Variants in SYK observed in about 807,000 individuals in gnomAD.
SYK encodes spleen associated tyrosine kinase.
A neutral mutation model predicts 77.8 loss-of-function variants in SYK; 16 were observed. The observed-to-expected ratio is 0.21, with a 90% CI of 0.14 to 0.31. SYK has a LOEUF of 0.31. SYK is among the 10% of genes least tolerant of loss of function. The probability of loss-of-function intolerance (pLI) is 1.00; values close to 1 mark genes in which losing one functional copy is unlikely to be tolerated. For synonymous variants in SYK, 312 were observed against 308.7 expected (o/e 1.01, Z -0.11); for missense variants, 529 against 814.4 (o/e 0.65, Z 4.26).
rs774905650 is a variant in SYK at position 90,862,357 on chromosome 9, C to T, written c.717+13C>T. ...CACGCTCTGGCAGGTACCCAGCCTC[C>T]TCTCCCCACCTTGTGGGTAGAGTAC... On this transcript the variant is annotated intron_variant, in intron 4 of 13. Transcript: ENST00000375754. The T allele has an allele frequency of 1.2e-6, 2 of 1,612,016 alleles. No individual in the cohort carries two copies. Among genetic ancestry groups the T allele is most frequent in the African/African-American group, 1.3e-5 (1 of 75,044 alleles).
chr9:90,839,259 C>T (rs1352392471), intron 1 of SYK, among the ~76,000 whole-genome samples: 1 of 152,198 alleles, frequency 6.6e-6, no homozygotes, highest in Non-Finnish European at 1.5e-5. Context: ...GTGCCATAAG[C>T]TGTCCTTGCA....
intron 3 of SYK, 52 bp from the exon 4 acceptor site, chr9:90,862,154 C>T (rs898470840): frequency 1.9e-6 from 3 of 1,556,856 alleles, no homozygotes; most frequent in African/African-American, 2.7e-5. Flanking sequence ...CCCAGGGTCC[C>T]ACCTGGAGAC....
chr9:90,826,802 C>G (rs1166294706), intron 1 of SYK, among the ~76,000 whole-genome samples: 3 of 152,162 alleles, frequency 2.0e-5, no homozygotes, highest in Non-Finnish European at 4.4e-5. Flanking sequence ...GAAAAGTACC[C>G]TGAGGGAGCT....
At chr9:90,834,060 G>A (rs1587835491) in intron 1 of SYK, among the ~76,000 whole-genome samples, 1 of 152,202 alleles carries the variant, frequency 6.6e-6, no homozygotes, top group East Asian at 1.9e-4. Context: ...CGTGCAAGGT[G>A]AAGCCTGACT....
intron 3 of SYK, among the ~76,000 whole-genome samples, chr9:90,848,646 C>A (rs1790080428): frequency 6.6e-6 from 1 of 152,192 alleles, no homozygotes; most frequent in African/African-American, 2.4e-5. Context: ...ACTTTCCAAT[C>A]ATCATGTCAG....
chr9:90,852,278 C>T lies in SYK; in HGVS notation c.578+6684C>T, dbSNP rs530129892. On this transcript the variant is annotated intron_variant, in intron 3 of 13. Coordinates refer to ENST00000375754, the MANE Select transcript of SYK (RefSeq NM_003177.7). Reference sequence around the variant, plus strand: ...AATATCTTTTGCAATCTGTACAAAACCTAAGGCCGTGCAGTCACATTGCTG... The same window carrying T: ...AATATCTTTTGCAATCTGTACAAAATCTAAGGCCGTGCAGTCACATTGCTG... Among the ~76,000 whole-genome samples, 47 of 152,256 alleles carry T rather than the reference C, an allele frequency of 3.1e-4. No individual in the cohort carries two copies. In the East Asian group the frequency reaches 9.1e-3, roughly 29 times the overall value.
intron 1 of SYK, among the ~76,000 whole-genome samples, chr9:90,810,553 C>T (rs1187966887): frequency 3.3e-5 from 5 of 152,168 alleles, no homozygotes; most frequent in African/African-American, 9.7e-5. Flanking sequence ...CACCTCCCCA[C>T]GATGGCCTTT....
intron 1 of SYK, among the ~76,000 whole-genome samples, chr9:90,804,082 T>G (rs1824723679): frequency 6.6e-6 from 1 of 152,170 alleles, no homozygotes; most frequent in Non-Finnish European, 1.5e-5. Flanking sequence ...GAGTCTGTAT[T>G]AGACTCCACT....
intron 4 of SYK, among the ~76,000 whole-genome samples, chr9:90,862,602 T>C (rs995853739): frequency 2.0e-5 from 3 of 152,144 alleles, no homozygotes; most frequent in Admixed American, 6.5e-5. Flanking sequence ...GAGGCCGTCA[T>C]GTGAGGTGAA....
intron 3 of SYK, among the ~76,000 whole-genome samples, chr9:90,857,096 G>A (rs993695250): frequency 2.6e-5 from 4 of 152,154 alleles, no homozygotes. Context: ...CTCACTTTTT[G>A]TCCTATACTT....
chr9:90,826,704 C>T (rs1010918131), intron 1 of SYK, among the ~76,000 whole-genome samples: 1 of 152,168 alleles, frequency 6.6e-6, no homozygotes, highest in Admixed American at 6.5e-5. Flanking sequence ...GCTTCTGGCC[C>T]TTCTTGAGTG....
At chr9:90,851,359 A>C (rs1826813429) in intron 3 of SYK, among the ~76,000 whole-genome samples, 1 of 152,150 alleles carries the variant, frequency 6.6e-6, no homozygotes, top group Non-Finnish European at 1.5e-5. Context: ...TGACTTTGAG[A>C]AGGTAGTTAC....
chr9:90,856,499 G>A (rs1258405953), intron 3 of SYK, among the ~76,000 whole-genome samples: 4 of 151,826 alleles, frequency 2.6e-5, no homozygotes, highest in African/African-American at 7.3e-5. Flanking sequence ...TTCTTCCAGC[G>A]CACTAATTTT....
At chr9:90,874,434 G>T in intron 8 of SYK, 143 bp downstream of exon 8, 1 of 946,232 alleles carries the variant, frequency 1.1e-6, no homozygotes, top group South Asian at 1.5e-5. Flanking sequence ...CACATCTAGT[G>T]GCAGGCAGCA....
At chr9:90,802,872 A>T (rs1310140268) in intron 1 of SYK, among the ~76,000 whole-genome samples, 1 of 145,680 alleles carries the variant, frequency 6.9e-6, no homozygotes, top group African/African-American at 2.6e-5. Context: ...TATTAAAAAT[A>T]AAAAAAGGAA....
At chr9:90,805,180 A>G (rs1387668868) in intron 1 of SYK, among the ~76,000 whole-genome samples, 1 of 152,220 alleles carries the variant, frequency 6.6e-6, no homozygotes, top group Non-Finnish European at 1.5e-5. Flanking sequence ...CCAAAGGCAG[A>G]TGGTGGTGGA....
chr9:90,828,014 ATAT>A (rs1490479919), intron 1 of SYK, among the ~76,000 whole-genome samples: 2 of 152,252 alleles, frequency 1.3e-5, no homozygotes, highest in East Asian at 3.9e-4. Flanking sequence ...AAAACTCTAG[ATAT>A]TTCTTAATCC....
chr9:90,837,339 G>T (rs941230954), intron 1 of SYK, among the ~76,000 whole-genome samples: 1 of 152,136 alleles, frequency 6.6e-6, no homozygotes, highest in African/African-American at 2.4e-5. Flanking sequence ...TAGGGAAAGG[G>T]CAGGTTTGTG....
chr9:90,857,506 A>G (rs1221459307), intron 3 of SYK, among the ~76,000 whole-genome samples: 2 of 152,272 alleles, frequency 1.3e-5, no homozygotes, highest in African/African-American at 4.8e-5. Context: ...GTGTTAAAAC[A>G]GCTTGGTGTG....
Sources: gnomAD v4.1 joint callset for allele counts (sites outside exome capture counted in the v4.1 genomes callset) on GRCh38, gnomAD v4.1.1 for gene constraint, MANE v1.5 for transcripts, NCBI Gene and HGNC (gene_info 2026-07-23, HGNC 2026-07-21) for gene names.